Variants in PTPRA observed in about 807,000 individuals in gnomAD.
PTPRA encodes the protein protein tyrosine phosphatase receptor type A.
A neutral mutation model predicts 104.8 loss-of-function variants in PTPRA; 25 were observed. That is an observed-to-expected ratio of 0.24 (90% CI 0.17 to 0.33). The LOEUF (loss-of-function observed/expected upper bound fraction) is 0.33. PTPRA is among the 10% of genes least tolerant of loss of function. The pLI, the probability that PTPRA is intolerant of heterozygous loss-of-function variation, is 1.00. For missense variants in PTPRA, 765 were observed against 1,015.3 expected (o/e 0.75, Z 3.35); for synonymous variants, 323 against 368.9 (o/e 0.88, Z 1.43).
chr20:2,935,400 A>ATGGATGAATTCAT (rs1351085325), intron 2 of PTPRA, among the ~76,000 whole-genome samples: 1 of 152,204 alleles, frequency 6.6e-6, no homozygotes, highest in East Asian at 1.9e-4. Flanking sequence ...CCATCAATGA[A>ATGGATGAATTCAT]TGAAAACACT....
chr20:2,940,731 C>A (rs1297911118), intron 2 of PTPRA, among the ~76,000 whole-genome samples: 1 of 152,222 alleles, frequency 6.6e-6, no homozygotes, highest in East Asian at 1.9e-4. Context: ...CAAATTTCAG[C>A]GTTTTATTAG....
chr20:3,020,249 C>T (rs2064792764), intron 13 of PTPRA, among the ~76,000 whole-genome samples: 1 of 152,146 alleles, frequency 6.6e-6, no homozygotes. Flanking sequence ...CCACCCGCCA[C>T]CACGCCCAGC....
chr20:3,024,431 G>C (rs765800852), intron 16 of PTPRA, 41 bp from the exon 17 acceptor site: 4 of 1,588,282 alleles, frequency 2.5e-6, no homozygotes, highest in Admixed American at 1.7e-5. Context: ...TGAGAACTAT[G>C]TTGTATGTAA....
chr20:2,896,194 G>A lies in PTPRA; in HGVS notation c.-129+22434G>A, dbSNP rs552012336. 1.4e-4 allele frequency among the ~76,000 whole-genome samples: 22 copies of A among 152,162 alleles called. No homozygotes were observed. The East Asian group carries it at 4.3e-3, about 29-fold the overall frequency. On this transcript the variant is annotated intron_variant, in intron 1 of 23. Transcript: ENST00000399903. Reference sequence around the variant, plus strand: ...GTTCAAGACCAGCCTGGCCAACATGGTGAAACCCTGTCTCTACTAAAAATA... The same window carrying A: ...GTTCAAGACCAGCCTGGCCAACATGATGAAACCCTGTCTCTACTAAAAATA...
At chr20:3,018,591 T>C (rs1322313916) in intron 13 of PTPRA, among the ~76,000 whole-genome samples, 4 of 151,906 alleles carry the variant, frequency 2.6e-5, no homozygotes, top group South Asian at 4.2e-4. Flanking sequence ...TTTCTTAGTA[T>C]AGAACAAAAT....
intron 3 of PTPRA, among the ~76,000 whole-genome samples, chr20:2,961,513 T>C (rs1158326240): frequency 6.6e-6 from 1 of 152,208 alleles, no homozygotes; most frequent in East Asian, 1.9e-4. Flanking sequence ...AAGAATTCTC[T>C]GTCCTTTGTC....
Position 3,022,668 on chromosome 20 carries a change from C to A in PTPRA, c.1329-21C>A, listed in dbSNP as rs770603397. 2.5e-6 allele frequency: 4 copies of A among 1,613,870 alleles called. No homozygotes were observed. Among genetic ancestry groups the A allele is most frequent in the Admixed American group, 3.3e-5 (2 of 60,006 alleles). ...CAAGGCAGGCTGGCCATCCCTATAA[C>A]CCCCTGCTCTCTGGCTACAGTGCAG... On this transcript the variant is annotated intron_variant, in intron 15 of 23. Transcript: ENST00000399903. The surrounding 1 kb of genome is among the most constrained non-coding windows in gnomAD (Gnocchi z 4.6).
chr20:2,901,033 G>A (rs372347379), intron 1 of PTPRA, among the ~76,000 whole-genome samples: 5 of 151,708 alleles, frequency 3.3e-5, no homozygotes, highest in African/African-American at 7.3e-5. Flanking sequence ...GTGCAGTGGC[G>A]CGATCTCGGC....
intron 1 of PTPRA, among the ~76,000 whole-genome samples, chr20:2,918,087 CAAAAAAAAAA>C (rs149539458): frequency 5.3e-5 from 5 of 94,310 alleles, no homozygotes; most frequent in African/African-American, 1.3e-4. Context: ...GACTCTGTCT[CAAAAAAAAAA>C]AAAAAAAAAA....
intron 5 of PTPRA, among the ~76,000 whole-genome samples, chr20:2,966,263 C>G (rs555195397): frequency 2.0e-5 from 3 of 152,336 alleles, no homozygotes; most frequent in Admixed American, 6.5e-5. Context: ...CCCAGCTCTT[C>G]CATAAACCAG....
chr20:2,926,246 C>T (rs1008399445), intron 2 of PTPRA, among the ~76,000 whole-genome samples: 1 of 152,160 alleles, frequency 6.6e-6, no homozygotes, highest in African/African-American at 2.4e-5. Context: ...TAACAAAACT[C>T]CATGAACTGG....
intron 9 of PTPRA, among the ~76,000 whole-genome samples, chr20:2,990,354 CCTT>C (rs1240750447): frequency 1.3e-5 from 2 of 152,136 alleles, no homozygotes; most frequent in African/African-American, 2.4e-5. Context: ...GTCACATGCT[CCTT>C]CTTAAACCGG....
At chr20:2,865,547 A>G in the PTPRA span, 1 of 1,542,422 alleles carries the variant, frequency 6.5e-7, no homozygotes, top group Non-Finnish European at 8.9e-7. The surrounding 1 kb of genome is among the most constrained non-coding windows in gnomAD (Gnocchi z 5.2). Flanking sequence ...AGTCTTCGGG[A>G]GAGAGGGCTA....
intron 3 of PTPRA, among the ~76,000 whole-genome samples, chr20:2,954,011 G>A (rs1600166117): frequency 6.7e-6 from 1 of 149,972 alleles, no homozygotes; most frequent in South Asian, 2.1e-4. Flanking sequence ...CTGGACCCAA[G>A]CAATCCTCCT....
intron 2 of PTPRA, among the ~76,000 whole-genome samples, chr20:2,926,569 A>T (rs1236768871): frequency 1.3e-5 from 2 of 152,138 alleles, no homozygotes; most frequent in East Asian, 3.9e-4. Flanking sequence ...ACAGGAACTG[A>T]GTAGGGGGTT....
In PTPRA at chr20:3,034,552, A is replaced by ATT. The variant is rs11478677; in HGVS notation, c.1921-1019_1921-1018dup. The stretch of plus-strand genomic sequence containing the variant: ...CTGATCGAGGTGAGCCTTAATGAGA[A>ATT]TTTTTTTTTTTTTTTGGCTGTTCTG... On this transcript the variant is annotated intron_variant, in intron 20 of 23. Transcript: ENST00000399903. 7.7e-4 allele frequency among the ~76,000 whole-genome samples: 111 copies of ATT among 143,866 alleles called. 1 individual carries two copies. The highest frequency in any genetic ancestry group is 2.7e-3 in the African/African-American group (104 of 39,098). 94.4% of individuals were successfully genotyped at this position (143,866 alleles called of 152,430 possible). A position where few individuals can be genotyped will look rare whatever the true frequency, so the allele number is the denominator to read the frequency against.
chr20:2,954,120 C>T (rs1472980828), intron 3 of PTPRA, among the ~76,000 whole-genome samples: 7 of 147,776 alleles, frequency 4.7e-5, no homozygotes, highest in Non-Finnish European at 8.9e-5. Flanking sequence ...TCTTGTTGCC[C>T]AGGCTGGAGT....
At chr20:2,953,414 T>C (rs2147819400) in intron 3 of PTPRA, among the ~76,000 whole-genome samples, 1 of 150,126 alleles carries the variant, frequency 6.7e-6, no homozygotes, top group South Asian at 2.1e-4. Context: ...TTACCACGCC[T>C]GGCTAATTTT....
chr20:2,958,435 G>A (rs1434589267), intron 3 of PTPRA, among the ~76,000 whole-genome samples: 1 of 151,966 alleles, frequency 6.6e-6, no homozygotes, highest in East Asian at 1.9e-4. Flanking sequence ...AAGTCATCCA[G>A]GAGAATAGCA....
Sources: gnomAD v4.1 joint callset for allele counts (sites outside exome capture counted in the v4.1 genomes callset) on GRCh38, gnomAD v4.1.1 for gene constraint, Gnocchi (gnomAD v3.1) non-coding constraint, MANE v1.5 for transcripts, NCBI Gene and HGNC (gene_info 2026-07-23, HGNC 2026-07-21) for gene names.